The following STK4 variants were observed in gnomAD, a reference collection of about 807,000 sequenced individuals.
STK4 encodes serine/threonine-protein kinase 4.
A neutral mutation model predicts 64.9 loss-of-function variants in STK4; 30 were observed. That is an observed-to-expected ratio of 0.46 (90% CI 0.35 to 0.63). The LOEUF (loss-of-function observed/expected upper bound fraction) is 0.63, where lower values mean the gene tolerates loss of function less well. Ranked by LOEUF, STK4 falls within the 20% of genes least tolerant of loss-of-function variation. STK4 has a pLI of 0.01. For synonymous variants in STK4, 177 were observed against 199.0 expected (o/e 0.89, Z 0.93); for missense variants, 466 against 598.5 (o/e 0.78, Z 2.31).
chr20:45,073,286 C>T (rs368377548), intron 10 of STK4, among the ~76,000 whole-genome samples: 1 of 151,998 alleles, frequency 6.6e-6, no homozygotes, highest in Non-Finnish European at 1.5e-5. Flanking sequence ...GACTTTCCAG[C>T]ATTTACCCAC....
At chr20:44,971,277 T>A (rs1222616870) in intron 1 of STK4, among the ~76,000 whole-genome samples, 1 of 152,228 alleles carries the variant, frequency 6.6e-6, no homozygotes, top group Non-Finnish European at 1.5e-5. Context: ...AGCAGCCAAG[T>A]ACCTTTGATT....
chr20:45,061,863 C>T (rs1600559715), intron 10 of STK4, among the ~76,000 whole-genome samples: 3 of 139,512 alleles, frequency 2.2e-5, no homozygotes, highest in South Asian at 2.3e-4. Flanking sequence ...TTCTTTTCTT[C>T]TTCTTCTTCT....
At chr20:44,997,137 G>C in intron 6 of STK4, 32 bp from the exon 7 acceptor site, 1 of 1,611,516 alleles carries the variant, frequency 6.2e-7, no homozygotes, top group Non-Finnish European at 8.5e-7. Flanking sequence ...TATTTTACCA[G>C]ATCTTTTTGT....
intron 10 of STK4, among the ~76,000 whole-genome samples, chr20:45,056,223 G>A (rs1042618926): frequency 3.3e-5 from 5 of 152,130 alleles, no homozygotes; most frequent in Non-Finnish European, 7.3e-5. Flanking sequence ...ATATACAGTT[G>A]TATAAATACC....
chr20:44,979,718 C>G (rs1182376189), intron 3 of STK4, among the ~76,000 whole-genome samples: 4 of 152,254 alleles, frequency 2.6e-5, no homozygotes, highest in South Asian at 4.2e-4. Context: ...AGTCCAGAAG[C>G]CTTTCAGTCT....
chr20:44,978,293 A>G (rs2067374193), intron 2 of STK4, 150 bp from the exon 3 acceptor site: 1 of 979,334 alleles, frequency 1.0e-6, no homozygotes, highest in Admixed American at 3.5e-5. Context: ...TTTTTCCCCA[A>G]AAGTATTTTA....
At chr20:44,979,765 C>T (rs1170904521) in intron 3 of STK4, among the ~76,000 whole-genome samples, 1 of 151,680 alleles carries the variant, frequency 6.6e-6, no homozygotes, top group Non-Finnish European at 1.5e-5. Flanking sequence ...TTTTTTCTCT[C>T]CCTTCTTTTT....
chr20:45,020,506 TAG>T (rs1568728092), intron 9 of STK4, among the ~76,000 whole-genome samples: 2 of 151,516 alleles, frequency 1.3e-5, no homozygotes, highest in East Asian at 1.9e-4. Flanking sequence ...TTATGTGAGA[TAG>T]AGATACTGAA....
At chr20:45,044,525 G>A (rs895483758) in intron 10 of STK4, among the ~76,000 whole-genome samples, 4 of 152,084 alleles carry the variant, frequency 2.6e-5, no homozygotes, top group Non-Finnish European at 5.9e-5. Context: ...AGGGTGGCAT[G>A]TGCCTGTGGT....
intron 7 of STK4, among the ~76,000 whole-genome samples, chr20:44,998,176 C>T (rs1415600784): frequency 6.6e-6 from 1 of 152,122 alleles, no homozygotes; most frequent in Non-Finnish European, 1.5e-5. Context: ...AGCTTCTAGG[C>T]CTGGTCCTTG....
chr20:44,993,502 G>A (rs767381376), intron 5 of STK4, among the ~76,000 whole-genome samples: 9 of 152,270 alleles, frequency 5.9e-5, no homozygotes, highest in Middle Eastern at 3.4e-3. Context: ...AAGTTTCAGA[G>A]CTAAGGAAAT....
intron 10 of STK4, among the ~76,000 whole-genome samples, chr20:45,026,327 G>A: frequency 6.7e-6 from 1 of 149,198 alleles, no homozygotes; most frequent in South Asian, 2.1e-4. Context: ...GAGTGTGTGT[G>A]TGTGTGTGTG....
In STK4 at chr20:45,000,450, C is replaced by T. The variant is rs763253365; in HGVS notation, c.890C>T (p.Ala297Val). 2.7e-5 allele frequency: 43 copies of T among 1,613,916 alleles called. No homozygotes were observed. Among genetic ancestry groups the T allele is most frequent in the Non-Finnish European group, 3.6e-5 (42 of 1,179,980 alleles). The part of the protein sequence containing the change: ...VSILRDLINE[A>V]MDVKLKRQES... ...ATACTGCGAGACTTAATTAATGAAGCCATGGATGTGAAACTGAAACGCCAG... is the reference window on the plus strand; with the variant it reads ...ATACTGCGAGACTTAATTAATGAAGTCATGGATGTGAAACTGAAACGCCAG... Residue 297 changes from alanine (A) to valine (V), a missense_variant, in exon 8 of 11, where the codon GCC becomes GTC. By Grantham distance (64) the Ala-to-Val change is moderately conservative. This residue lies in a region of STK4 where 276 missense variants were observed against 308.9 expected (regional missense o/e 0.89). Coordinates refer to ENST00000372806, the MANE Select transcript of STK4 (RefSeq NM_006282.5).
chr20:45,070,022 G>A (rs867827351), intron 10 of STK4, among the ~76,000 whole-genome samples: 1 of 152,206 alleles, frequency 6.6e-6, no homozygotes, highest in Non-Finnish European at 1.5e-5. Context: ...ACTAAAACCT[G>A]TAGGTTAAGG....
chr20:45,015,205 A>C (rs888687278), intron 9 of STK4, among the ~76,000 whole-genome samples: 1 of 152,224 alleles, frequency 6.6e-6, no homozygotes, highest in African/African-American at 2.4e-5. Flanking sequence ...GGCTGTTGTC[A>C]AAATGATTTT....
intron 10 of STK4, among the ~76,000 whole-genome samples, chr20:45,052,457 T>G (rs1978292035): frequency 6.6e-6 from 1 of 152,192 alleles, no homozygotes; most frequent in Non-Finnish European, 1.5e-5. Context: ...TTTTTAAGGG[T>G]CACATAGTAG....
chr20:45,069,210 A>G (rs1979841915), intron 10 of STK4, among the ~76,000 whole-genome samples: 1 of 152,204 alleles, frequency 6.6e-6, no homozygotes. Flanking sequence ...ATGGCAAGGA[A>G]ATTCTAAATA....
intron 4 of STK4, among the ~76,000 whole-genome samples, chr20:44,985,252 A>G (rs1169820916): frequency 6.6e-6 from 1 of 152,194 alleles, no homozygotes; most frequent in African/African-American, 2.4e-5. Flanking sequence ...GATGATAATA[A>G]TAGTTCCTCT....
intron 4 of STK4, among the ~76,000 whole-genome samples, chr20:44,983,138 G>A (rs2067471182): frequency 6.6e-6 from 1 of 152,190 alleles, no homozygotes; most frequent in Non-Finnish European, 1.5e-5. Flanking sequence ...TGACTAGAAG[G>A]GAATAGGCAA....
Sources: allele counts gnomAD v4.1 joint callset (sites outside exome capture counted in the v4.1 genomes callset), GRCh38; gene constraint gnomAD v4.1.1; regional missense constraint gnomAD v4.1.1; transcripts MANE v1.5; gene names NCBI Gene and HGNC (gene_info 2026-07-23, HGNC 2026-07-21).